CACNB4: variants seen among roughly 807,000 people sequenced by gnomAD.
CACNB4 encodes the protein voltage-dependent L-type calcium channel subunit beta-4.
CACNB4 carries 32 observed loss-of-function variants against 71.2 expected under a neutral mutation model. The observed-to-expected ratio is 0.45, with a 90% confidence interval of 0.34 to 0.60. CACNB4 has a LOEUF of 0.60. CACNB4 is among the 20% of genes least tolerant of loss of function. The pLI is 0.01. For synonymous variants in CACNB4, 231 were observed against 236.9 expected, an observed-to-expected ratio of 0.97 and a Z score of 0.23; for missense variants, 464 against 647.9, an observed-to-expected ratio of 0.72 and a Z score of 3.08.
chr2:152,098,570 A>AGCCAAC lies in CACNB4; in HGVS notation c.64-158_64-157insGTTGGC. ...TCCGCGACTCCCAAATACAGCCCCCACCCCCACCCACCCACTGCAAGCCTC... is the reference window on the plus strand; with the variant it reads ...TCCGCGACTCCCAAATACAGCCCCCAGCCAACCCCCCACCCACCCACTGCAAGCCTC... On this transcript the variant is annotated intron_variant, in intron 1 of 13. Transcript: ENST00000539935. The surrounding 1 kb of genome is among the most constrained non-coding windows in gnomAD (Gnocchi z 5.3). 2.5e-6 allele frequency: 1 copy of AGCCAAC among 407,386 alleles called. No individual in the cohort carries two copies. 25.2% of individuals were successfully genotyped at this position (407,386 alleles called of 1,614,324 possible).
chr2:151,903,273 G>A (rs1013208598), intron 2 of CACNB4, among the ~76,000 whole-genome samples: 1 of 152,064 alleles, frequency 6.6e-6, no homozygotes, highest in Admixed American at 6.6e-5. Flanking sequence ...CAGCACTTTG[G>A]GGGGCTGAGG....
intron 2 of CACNB4, among the ~76,000 whole-genome samples, chr2:152,003,477 C>T (rs1682541814): frequency 6.6e-6 from 1 of 151,854 alleles, no homozygotes; most frequent in Admixed American, 6.6e-5. Context: ...CAGCTGTTCT[C>T]ATAACTTACA....
Position 151,941,320 on chromosome 2 carries a change from C to T in CACNB4, c.148-57950G>A, listed in dbSNP as rs112179883. On this transcript the variant is annotated intron_variant, in intron 2 of 13. Coordinates refer to ENST00000539935, the MANE Select transcript of CACNB4 (RefSeq NM_000726.5). ...TTTTTTAGCTTGCGTCTCGCTCTGT[C>T]GTCCAGGCTGAAATGTAGTGGTGTG... 2.3e-3 allele frequency among the ~76,000 whole-genome samples: 305 copies of T among 132,738 alleles called. 1 individual carries two copies. Among genetic ancestry groups the T allele is most frequent in the Non-Finnish European group, 3.7e-3 (241 of 65,146 alleles). The allele number at this position is 132,738 out of a possible 152,430, so 87.1% of individuals were successfully genotyped here.
intron 2 of CACNB4, among the ~76,000 whole-genome samples, chr2:152,084,590 T>A (rs565310474): frequency 6.6e-6 from 1 of 152,130 alleles, no homozygotes; most frequent in Non-Finnish European, 1.5e-5. Flanking sequence ...CATGACAACT[T>A]CTGCTGCTGC....
At chr2:151,928,640 A>AAGGC (rs1186720349) in intron 2 of CACNB4, among the ~76,000 whole-genome samples, 1 of 152,176 alleles carries the variant, frequency 6.6e-6, no homozygotes, top group Non-Finnish European at 1.5e-5. Context: ...AACAAACAAA[A>AAGGC]AGGCTGGGTG....
Position 152,098,880 on chromosome 2 carries a change from G to A in CACNB4, c.63+69C>T. 1 of 1,234,772 alleles carries A rather than the reference G, an allele frequency of 8.1e-7. No homozygotes were observed. 76.5% of individuals were successfully genotyped at this position (1,234,772 alleles called of 1,614,324 possible). A position where few individuals can be genotyped will look rare whatever the true frequency, so the allele number is the denominator to read the frequency against. ...CACGCCCGGCACGAAGGCGGGGCGC[G>A]CTAGGGCGGCGGAGGAGGTGTGAGG... On this transcript the variant is annotated intron_variant, in intron 1 of 13. Coordinates refer to ENST00000539935, the MANE Select transcript of CACNB4 (RefSeq NM_000726.5). This position sits in a 1 kb window ranked among gnomAD's most constrained non-coding sequence, Gnocchi z 5.3.
chr2:151,936,347 G>C (rs2099862922), intron 2 of CACNB4: 1 of 152,200 alleles, frequency 6.6e-6, no homozygotes, highest in Non-Finnish European at 1.5e-5. Context: ...AGTCTCCCAG[G>C]AACATTCAGA....
chr2:151,989,239 A>T (rs371024425), intron 2 of CACNB4, among the ~76,000 whole-genome samples: 2 of 152,148 alleles, frequency 1.3e-5, no homozygotes, highest in South Asian at 2.1e-4. Flanking sequence ...GAATAACAAC[A>T]CTTCCCTGGC....
intron 2 of CACNB4, among the ~76,000 whole-genome samples, chr2:152,067,388 TGGG>T (rs56725916): frequency 1.5e-5 from 2 of 137,212 alleles, no homozygotes; most frequent in African/African-American, 2.9e-5. Flanking sequence ...TGTGTGTGTG[TGGG>T]GGGGGGGGTG....
In CACNB4 at chr2:152,098,978, C is replaced by A. The variant is rs958254778; in HGVS notation, c.34G>T (p.Ala12Ser). ...GAGGTGGGGGAGTGCGGCCCGTCCG[C>A]GGTCCCGTTCTTGGCGTAGGAGGAG... Reference protein sequence around the residue: ...SSSSYAKNGTADGPHSPTSQV... With the variant: ...SSSSYAKNGTSDGPHSPTSQV... Residue 12 changes from alanine (A) to serine (S), a missense_variant, in exon 1 of 14, where the codon GCG becomes TCG. Transcript: ENST00000539935. The surrounding 1 kb of genome is among the most constrained non-coding windows in gnomAD (Gnocchi z 5.3). The A allele has an allele frequency of 2.4e-5, 36 of 1,530,542 alleles. No individual in the cohort carries two copies. Among genetic ancestry groups the A allele is most frequent in the Admixed American group, 9.0e-5 (4 of 44,220 alleles). 94.8% of individuals were successfully genotyped at this position (1,530,542 alleles called of 1,614,324 possible).
At chr2:151,908,767 C>G (rs1057449940) in intron 2 of CACNB4, among the ~76,000 whole-genome samples, 5 of 152,106 alleles carry the variant, frequency 3.3e-5, no homozygotes, top group Non-Finnish European at 1.5e-5. Flanking sequence ...TTAAGTCAGA[C>G]ATAGGAATAC....
At chr2:151,979,548 T>C (rs2099874369) in intron 2 of CACNB4, among the ~76,000 whole-genome samples, 1 of 152,212 alleles carries the variant, frequency 6.6e-6, no homozygotes, top group Admixed American at 6.5e-5. Context: ...CTTTCCACTA[T>C]TCTCCAAAAT....
intron 12 of CACNB4, among the ~76,000 whole-genome samples, chr2:151,846,985 T>G (rs2099837767): frequency 6.6e-6 from 1 of 150,670 alleles, no homozygotes; most frequent in Non-Finnish European, 1.5e-5. Context: ...TGTACATAGA[T>G]AAAACTGCAT....
intron 2 of CACNB4, among the ~76,000 whole-genome samples, chr2:151,915,593 A>G (rs2099857271): frequency 1.3e-5 from 2 of 152,224 alleles, no homozygotes; most frequent in African/African-American, 4.8e-5. Flanking sequence ...ATATAGTCCC[A>G]GCACTTTGGG....
intron 2 of CACNB4, among the ~76,000 whole-genome samples, chr2:152,037,990 TG>T (rs1684682781): frequency 6.6e-6 from 1 of 152,040 alleles, no homozygotes; most frequent in African/African-American, 2.4e-5. Context: ...AAGGAGGCCG[TG>T]ACAAAACGCA....
chr2:151,977,263 C>CA (rs968461383), intron 2 of CACNB4, among the ~76,000 whole-genome samples: 15 of 151,956 alleles, frequency 9.9e-5, no homozygotes, highest in African/African-American at 2.4e-4. Context: ...AGTTCAAAGT[C>CA]AAAAAAAGCC....
rs962578077 is a variant in CACNB4, at chr2:151,897,427, C to T, written c.148-14057G>A. The stretch of plus-strand genomic sequence containing the variant: ...AAACCTTGGATTTTCTCTTCCCTTC[C>T]TCCAGTGAATTAGCTCATCAATAGA... On this transcript the variant is annotated intron_variant, in intron 2 of 13. Transcript: ENST00000539935. Among the ~76,000 whole-genome samples, 3 of 152,286 alleles carry T rather than the reference C, an allele frequency of 2.0e-5. No individual in the cohort carries two copies. In the South Asian group the frequency reaches 6.2e-4, roughly 32 times the overall value.
intron 2 of CACNB4, among the ~76,000 whole-genome samples, chr2:151,963,780 A>C (rs1244168160): frequency 6.6e-6 from 1 of 152,160 alleles, no homozygotes; most frequent in African/African-American, 2.4e-5. Flanking sequence ...ATGTAAAAGA[A>C]TGTTGGGCCA....
At chr2:151,951,541 C>A (rs552949201) in intron 2 of CACNB4, among the ~76,000 whole-genome samples, 27 of 152,156 alleles carry the variant, frequency 1.8e-4, no homozygotes, top group African/African-American at 5.1e-4. Flanking sequence ...AGTGATGGAA[C>A]CTGATAGTTT....
Sources: allele counts gnomAD v4.1 joint callset (sites outside exome capture counted in the v4.1 genomes callset), GRCh38; gene constraint gnomAD v4.1.1; non-coding constraint Gnocchi (gnomAD v3.1); transcripts MANE v1.5; gene names NCBI Gene and HGNC (gene_info 2026-07-23, HGNC 2026-07-21).